Variants in PCDH11X observed in about 807,000 individuals in gnomAD.
PCDH11X encodes protocadherin 11 X-linked.
In PCDH11X, 18 loss-of-function variants were observed where a neutral mutation model predicts 53.3. The ratio of observed to expected loss-of-function variants is 0.34; its 90% confidence interval spans 0.23 to 0.50. The LOEUF (loss-of-function observed/expected upper bound fraction) is 0.50. Among genes scored for constraint, PCDH11X ranks in the 20% least tolerant of loss-of-function variants. The pLI is 0.98. For synonymous variants in PCDH11X, 279 were observed against 393.3 expected (o/e 0.71, Z 3.44); for missense variants, 570 against 1,032.4 (o/e 0.55, Z 6.14).
chrX:91,828,486 TATTA>T (rs1300559908), intron 4 of PCDH11X, among the ~76,000 whole-genome samples: 1 of 111,604 alleles, frequency 9.0e-6, no homozygotes, highest in Non-Finnish European at 1.9e-5. Context: ...TCTATTCATT[TATTA>T]ATTAATGTTG....
intron 10 of PCDH11X, among the ~76,000 whole-genome samples, chrX:92,541,333 A>T (rs1175656569): frequency 9.2e-6 from 1 of 109,218 alleles, no homozygotes; most frequent in African/African-American, 3.3e-5. Context: ...GACAGGCAGC[A>T]CCGAGTACAA....
intron 9 of PCDH11X, among the ~76,000 whole-genome samples, chrX:92,424,155 G>T (rs192114690): frequency 1.1e-5 from 1 of 89,347 alleles, no homozygotes; most frequent in East Asian, 3.3e-4. Context: ...ATTTCTCTCA[G>T]CAGGAACACA....
intron 6 of PCDH11X, among the ~76,000 whole-genome samples, chrX:92,127,516 C>T (rs900997955): frequency 1.0e-5 from 1 of 96,434 alleles, no homozygotes; most frequent in Non-Finnish European, 2.0e-5. Context: ...TCTTTCCCCC[C>T]ACTTTTTTTT....
rs1271936362 is a variant in PCDH11X, at chrX:92,346,776, T to A, written c.3145-40959T>A. Among the ~76,000 whole-genome samples, 4 of 112,031 alleles carry A rather than the reference T, an allele frequency of 3.6e-5. No homozygotes were observed. The East Asian group carries it at 1.1e-3, about 31-fold the overall frequency. Reference sequence around the variant, plus strand: ...CATGGTGGCAGCCATAGATATTTAGTTACTATGTGAATAAATAATGCTTTA... The same window carrying A: ...CATGGTGGCAGCCATAGATATTTAGATACTATGTGAATAAATAATGCTTTA... On this transcript the variant is annotated intron_variant, in intron 8 of 10. Transcript: ENST00000682573.
chrX:92,371,777 C>A (rs917270262), intron 8 of PCDH11X, among the ~76,000 whole-genome samples: 9 of 107,537 alleles, frequency 8.4e-5, no homozygotes, highest in African/African-American at 2.7e-4. Context: ...GTGGGAATAG[C>A]AGTGCCACTT....
At chrX:91,842,340 C>T (rs1365011945) in intron 5 of PCDH11X, among the ~76,000 whole-genome samples, 5 of 110,216 alleles carry the variant, frequency 4.5e-5, no homozygotes, top group Admixed American at 9.8e-5. Context: ...AATTAAATAA[C>T]GCAGAACTTA....
At chrX:92,046,310 G>A (rs1302799229) in intron 6 of PCDH11X, among the ~76,000 whole-genome samples, 2 of 111,833 alleles carry the variant, frequency 1.8e-5, no homozygotes, top group African/African-American at 6.5e-5. Flanking sequence ...TTTTAAGCAT[G>A]TAGGTTTTAT....
At chrX:92,286,454 T>TAAA (rs58210957) in intron 8 of PCDH11X, among the ~76,000 whole-genome samples, 176 of 82,512 alleles carry the variant, frequency 2.1e-3, no homozygotes, top group African/African-American at 7.7e-3. Flanking sequence ...ATTCAAAAAG[T>TAAA]AAAAAAAAAA....
chrX:92,588,378 A>C, intron 10 of PCDH11X, among the ~76,000 whole-genome samples: 1 of 105,621 alleles, frequency 9.5e-6, no homozygotes, highest in Non-Finnish European at 1.9e-5. Flanking sequence ...GTGTGTATAT[A>C]TATATATATA....
chrX:92,442,815 T>C (rs2578849), intron 9 of PCDH11X, among the ~76,000 whole-genome samples: 1 of 111,346 alleles, frequency 9.0e-6, no homozygotes, highest in African/African-American at 3.3e-5. Context: ...CAGTTCATCA[T>C]TGATGGGCAC....
chrX:92,070,804 T>C (rs1332280039), intron 6 of PCDH11X, among the ~76,000 whole-genome samples: 1 of 110,706 alleles, frequency 9.0e-6, no homozygotes, highest in East Asian at 2.8e-4. Flanking sequence ...TAACTCTTTT[T>C]TGTTGTTGTT....
intron 1 of PCDH11X, among the ~76,000 whole-genome samples, chrX:91,808,277 A>ACC (rs1277710120): frequency 6.1e-4 from 65 of 107,059 alleles, no homozygotes; most frequent in African/African-American, 2.1e-3. Flanking sequence ...CGGGCAAATC[A>ACC]TGAGGTCAGG....
chrX:92,510,065 T>C (rs1332307938), intron 10 of PCDH11X, among the ~76,000 whole-genome samples: 1 of 104,672 alleles, frequency 9.6e-6, no homozygotes, highest in African/African-American at 3.4e-5. Context: ...GTTATAATGG[T>C]CAGGCTTGTG....
At position 92,083,131 on chromosome X, in the gene PCDH11X, A is replaced by C. The variant is rs187528610; in HGVS notation, c.3034-118244A>C. 8.8e-4 allele frequency among the ~76,000 whole-genome samples: 99 copies of C among 111,931 alleles called. 1 individual carries two copies. Among genetic ancestry groups the C allele is most frequent in the Admixed American group, 6.7e-4 (7 of 10,423 alleles). On this transcript the variant is annotated intron_variant, in intron 6 of 10. Coordinates refer to ENST00000682573, the MANE Select transcript of PCDH11X (RefSeq NM_032968.5). ...AACCCTGTAATATTGTAAGATTAGA[A>C]ATGAGTATCTTGTCAGAAATAATAC...
intron 6 of PCDH11X, among the ~76,000 whole-genome samples, chrX:91,921,026 CA>C (rs1198762466): frequency 9.0e-6 from 1 of 111,643 alleles, no homozygotes; most frequent in Non-Finnish European, 1.9e-5. Flanking sequence ...AAATATTATT[CA>C]AAAAAGTAAT....
At chrX:92,464,610 TAA>T (rs2073122489) in intron 9 of PCDH11X, among the ~76,000 whole-genome samples, 5 of 110,916 alleles carry the variant, frequency 4.5e-5, no homozygotes, top group Non-Finnish European at 9.4e-5. Context: ...GAGAACAAAC[TAA>T]TACAGTAGCC....
At chrX:91,787,706 A>G (rs1935379797) in intron 1 of PCDH11X, among the ~76,000 whole-genome samples, 1 of 110,357 alleles carries the variant, frequency 9.1e-6, no homozygotes, top group Non-Finnish European at 1.9e-5. Flanking sequence ...GTATTGATTC[A>G]TTAACCATCA....
At chrX:92,137,249 A>G (rs971524852) in intron 6 of PCDH11X, among the ~76,000 whole-genome samples, 1 of 111,392 alleles carries the variant, frequency 9.0e-6, no homozygotes, top group Non-Finnish European at 1.9e-5. Context: ...GTATTGTTAT[A>G]AAATAAACTT....
At chrX:92,230,429 A>T (rs866793114) in intron 7 of PCDH11X, among the ~76,000 whole-genome samples, 1 of 46,929 alleles carries the variant, frequency 2.1e-5, no homozygotes, top group African/African-American at 6.6e-5. Flanking sequence ...TAATATATAA[A>T]TATATATTAT....
Sources: allele counts gnomAD v4.1 joint callset (sites outside exome capture counted in the v4.1 genomes callset), GRCh38; gene constraint gnomAD v4.1.1; transcripts MANE v1.5; gene names NCBI Gene and HGNC (gene_info 2026-07-23, HGNC 2026-07-21).